WWOX: variants seen among roughly 807,000 people sequenced by gnomAD.
WWOX encodes the protein WW domain-containing oxidoreductase.
In WWOX, 69 loss-of-function variants were observed where a neutral mutation model predicts 46.2. That is an observed-to-expected ratio of 1.49 (90% CI 1.23 to 1.82). The LOEUF (loss-of-function observed/expected upper bound fraction) is 1.82. Among genes scored for constraint, WWOX ranks in the 40% most tolerant of loss-of-function variants. The pLI, the probability that WWOX is intolerant of heterozygous loss-of-function variation, is 0.00. For missense variants in WWOX, 919 were observed against 542.6 expected (o/e 1.69, Z -6.89); for synonymous variants, 359 against 202.6 (o/e 1.77, Z -6.56).
chr16:78,501,272 A>T (rs2085061217), intron 8 of WWOX, among the ~76,000 whole-genome samples: 1 of 150,746 alleles, frequency 6.6e-6, no homozygotes, highest in South Asian at 2.1e-4. Context: ...AATAAATAAA[A>T]GCAGACCCCT....
At chr16:78,577,405 C>T (rs1033291005) in intron 8 of WWOX, among the ~76,000 whole-genome samples, 8 of 152,202 alleles carry the variant, frequency 5.3e-5, no homozygotes, top group South Asian at 2.1e-4. Context: ...TCCAGCACTG[C>T]GGCCATGAGT....
At chr16:78,777,011 C>T (rs759567415) in intron 8 of WWOX, among the ~76,000 whole-genome samples, 1 of 152,092 alleles carries the variant, frequency 6.6e-6, no homozygotes, top group Non-Finnish European at 1.5e-5. Context: ...CTCGTTTTTA[C>T]AGAGTATATG....
intron 8 of WWOX, chr16:78,890,586 A>G (rs1221795437): frequency 2.6e-5 from 4 of 152,188 alleles, no homozygotes; most frequent in African/African-American, 9.7e-5. Context: ...TCTTTTTGCC[A>G]GGGGAACAAA....
At chr16:79,210,526 G>A (rs892963592) in intron 8 of WWOX, among the ~76,000 whole-genome samples, 1 of 152,096 alleles carries the variant, frequency 6.6e-6, no homozygotes, top group Non-Finnish European at 1.5e-5. Flanking sequence ...GTGGGGGCGA[G>A]CTTATCTTCA....
At chr16:78,832,287 C>A in intron 8 of WWOX, among the ~76,000 whole-genome samples, 1 of 152,146 alleles carries the variant, frequency 6.6e-6, no homozygotes, top group Non-Finnish European at 1.5e-5. Flanking sequence ...AGCAGCCTCA[C>A]AATATGTCAT....
Position 78,918,057 on chromosome 16 carries a change from C to T in WWOX, c.1057-293551C>T, listed in dbSNP as rs575372577. ...CCTCTACAAAATATTTTAAAATTAG[C>T]CAGGCGTGGTGGTGCATGCTTGTAG... is the stretch of plus-strand genomic sequence containing the variant. On this transcript the variant is annotated intron_variant, in intron 8 of 8. Transcript: ENST00000566780. 6.6e-5 allele frequency among the ~76,000 whole-genome samples: 10 copies of T among 151,982 alleles called. No homozygotes were observed. The East Asian group carries it at 1.9e-3, about 30-fold the overall frequency.
rs572588355 is a variant in WWOX at position 78,839,549 on chromosome 16, C to G, written c.1057-372059C>G. Reference sequence around the variant, plus strand: ...TTCCTCATGCTAATAGGTGTTAATACTTTGCAATAAATATTACTTATGTCT... The same window carrying G: ...TTCCTCATGCTAATAGGTGTTAATAGTTTGCAATAAATATTACTTATGTCT... On this transcript the variant is annotated intron_variant, in intron 8 of 8. Coordinates refer to ENST00000566780, the MANE Select transcript of WWOX (RefSeq NM_016373.4). Among the ~76,000 whole-genome samples the G allele has an allele frequency of 3.7e-4, 56 of 152,258 alleles. 2 individuals carry two copies. In the South Asian group the frequency reaches 0.01, roughly 28 times the overall value.
chr16:78,852,969 A>T (rs901954168), intron 8 of WWOX, among the ~76,000 whole-genome samples: 2 of 152,168 alleles, frequency 1.3e-5, no homozygotes. Flanking sequence ...ATGAACTGCA[A>T]TTTATATCTT....
At chr16:78,202,911 C>T (rs72806820) in intron 5 of WWOX, among the ~76,000 whole-genome samples, 13,740 of 151,568 alleles carry the variant, frequency 0.091, 770 homozygotes, top group Non-Finnish European at 0.13. Flanking sequence ...TTATTTTGTC[C>T]TCAGCACTAT....
chr16:78,789,904 C>G (rs971639560), intron 8 of WWOX, among the ~76,000 whole-genome samples: 1 of 152,132 alleles, frequency 6.6e-6, no homozygotes, highest in Non-Finnish European at 1.5e-5. Context: ...CAGTTGTAAA[C>G]TTAAACTCCA....
chr16:78,781,855 C>T (rs898744724), intron 8 of WWOX, among the ~76,000 whole-genome samples: 1 of 152,176 alleles, frequency 6.6e-6, no homozygotes, highest in Non-Finnish European at 1.5e-5. Context: ...CAGTTATGAG[C>T]AGGTAACATG....
intron 5 of WWOX, among the ~76,000 whole-genome samples, chr16:78,329,033 CT>C (rs568880907): frequency 2.0e-5 from 3 of 151,638 alleles, no homozygotes; most frequent in African/African-American, 7.3e-5. Context: ...GGCTGATTTT[CT>C]TTTTTTTCGT....
chr16:78,601,858 GGAGT>G (rs781774878), intron 8 of WWOX, among the ~76,000 whole-genome samples: 24,208 of 151,988 alleles, frequency 0.16, 3,895 homozygotes, highest in African/African-American at 0.42. Context: ...ATCCCTACTC[GGAGT>G]TTTTCAGCCC....
intron 8 of WWOX, among the ~76,000 whole-genome samples, chr16:79,094,059 A>C (rs2049018522): frequency 6.6e-6 from 1 of 152,196 alleles, no homozygotes; most frequent in Non-Finnish European, 1.5e-5. Flanking sequence ...GGCATAATTT[A>C]GCCAGATAAA....
At chr16:78,406,213 A>T (rs181569136) in intron 6 of WWOX, among the ~76,000 whole-genome samples, 3,891 of 148,704 alleles carry the variant, frequency 0.026, 55 homozygotes, top group African/African-American at 0.03. Flanking sequence ...ATTGCTACCA[A>T]TTTTAAGAAA....
At chr16:79,156,952 G>C (rs1177925096) in intron 8 of WWOX, among the ~76,000 whole-genome samples, 2 of 152,210 alleles carry the variant, frequency 1.3e-5, no homozygotes, top group Non-Finnish European at 2.9e-5. Context: ...TCAGAAGAAT[G>C]AGGTTCTTTG....
intron 8 of WWOX, among the ~76,000 whole-genome samples, chr16:78,812,059 G>C (rs1255139193): frequency 3.3e-5 from 5 of 152,044 alleles, no homozygotes; most frequent in Non-Finnish European, 1.5e-5. Context: ...CACACAGTAA[G>C]ATCTTTCTGA....
chr16:79,118,550 T>TA (rs1292093159), intron 8 of WWOX, among the ~76,000 whole-genome samples: 2 of 152,274 alleles, frequency 1.3e-5, no homozygotes, highest in African/African-American at 2.4e-5. Context: ...CTTCGATTTG[T>TA]AAAAAACACA....
chr16:78,838,341 G>A (rs1444850915), intron 8 of WWOX, among the ~76,000 whole-genome samples: 1 of 152,178 alleles, frequency 6.6e-6, no homozygotes, highest in Non-Finnish European at 1.5e-5. Context: ...TGACTTCAGA[G>A]GAGGCTTTAG....
Sources: allele counts gnomAD v4.1 joint callset (sites outside exome capture counted in the v4.1 genomes callset), GRCh38; gene constraint gnomAD v4.1.1; transcripts MANE v1.5; gene names NCBI Gene and HGNC (gene_info 2026-07-23, HGNC 2026-07-21).